Variants in RBFOX1 observed in about 807,000 individuals in gnomAD.
The protein encoded by RBFOX1 is RNA binding protein fox-1 homolog 1.
Under a neutral mutation model 57.7 loss-of-function variants are expected in RBFOX1, and 8 were observed. The observed-to-expected ratio is 0.14, with a 90% CI of 0.08 to 0.25. The LOEUF (loss-of-function observed/expected upper bound fraction) is 0.25. RBFOX1 is among the 10% of genes least tolerant of loss of function. The pLI, the probability that RBFOX1 is intolerant of heterozygous loss-of-function variation, is 1.00. For synonymous variants in RBFOX1, 326 were observed against 222.4 expected (o/e 1.47, Z -4.15); for missense variants, 611 against 548.5 (o/e 1.11, Z -1.14).
At chr16:7,293,461 G>T (rs1432558673) in intron 4 of RBFOX1, among the ~76,000 whole-genome samples, 6 of 152,116 alleles carry the variant, frequency 3.9e-5, no homozygotes, top group African/African-American at 1.4e-4. Flanking sequence ...CATTCTCTCT[G>T]CCACCATCTT....
At chr16:6,476,935 G>C (rs2095282482) in intron 2 of RBFOX1, among the ~76,000 whole-genome samples, 1 of 152,128 alleles carries the variant, frequency 6.6e-6, no homozygotes, top group Non-Finnish European at 1.5e-5. Flanking sequence ...TTTACTAGAT[G>C]TAGATTCCAT....
At position 5,332,997 on chromosome 16, in the gene RBFOX1, C is replaced by G. The variant is rs375157960; in HGVS notation, c.219+92892C>G. ...GGTCAGGAGTTTGAGACCAGCCTGACCAATGTGGTGAAACCCTGTCTCTAT... is the reference window on the plus strand; with the variant it reads ...GGTCAGGAGTTTGAGACCAGCCTGAGCAATGTGGTGAAACCCTGTCTCTAT... On this transcript the variant is annotated intron_variant, in intron 1 of 2. Coordinates refer to the RBFOX1 transcript ENST00000585867. Among the ~76,000 whole-genome samples, 164 of 152,102 alleles carry G rather than the reference C, an allele frequency of 1.1e-3. 1 individual carries two copies. Among genetic ancestry groups the G allele is most frequent in the African/African-American group, 3.9e-3 (162 of 41,498 alleles).
At chr16:7,340,082 A>G (rs1332130862) in intron 4 of RBFOX1, among the ~76,000 whole-genome samples, 2 of 152,186 alleles carry the variant, frequency 1.3e-5, no homozygotes, top group Admixed American at 6.5e-5. Context: ...CTCCAAATCA[A>G]TCATCTAATC....
intron 6 of RBFOX1, among the ~76,000 whole-genome samples, chr16:7,582,985 T>C (rs2093891891): frequency 1.3e-5 from 2 of 151,896 alleles, no homozygotes; most frequent in Non-Finnish European, 3.0e-5. Context: ...GTTACATGCC[T>C]AATGGTTACT....
chr16:7,093,795 C>T (rs776060933), intron 4 of RBFOX1, among the ~76,000 whole-genome samples: 4 of 152,038 alleles, frequency 2.6e-5, no homozygotes, highest in Non-Finnish European at 4.4e-5. Context: ...TCCTGAAATT[C>T]TGTTTACATG....
intron 2 of RBFOX1, among the ~76,000 whole-genome samples, chr16:6,318,157 G>GTATTATA (rs1213201467): frequency 6.6e-6 from 1 of 152,172 alleles, no homozygotes; most frequent in Non-Finnish European, 1.5e-5. Flanking sequence ...AAAAGATGGT[G>GTATTATA]TATTAGCTGT....
chr16:6,651,536 A>G (rs969581716), intron 2 of RBFOX1, among the ~76,000 whole-genome samples: 3 of 152,134 alleles, frequency 2.0e-5, no homozygotes, highest in East Asian at 1.9e-4. Flanking sequence ...TCCTCTCTTC[A>G]TTATGCCTGA....
chr16:5,804,082 G>A (rs73530037), intron 3 of RBFOX1, among the ~76,000 whole-genome samples: 24,232 of 152,186 alleles, frequency 0.16, 4,681 homozygotes, highest in African/African-American at 0.46. Context: ...GATTACCCAA[G>A]TACATGTCTG....
chr16:7,113,794 A>C (rs984488291), intron 4 of RBFOX1, among the ~76,000 whole-genome samples: 2 of 152,244 alleles, frequency 1.3e-5, no homozygotes, highest in African/African-American at 2.4e-5. Flanking sequence ...GATGATGGGC[A>C]TTAAAGTTCC....
chr16:6,993,431 C>T (rs1227035085), intron 3 of RBFOX1, among the ~76,000 whole-genome samples: 2 of 152,142 alleles, frequency 1.3e-5, no homozygotes, highest in Non-Finnish European at 2.9e-5. Flanking sequence ...ATTCTAAATG[C>T]ATTGCTGGCT....
intron 1 of RBFOX1, among the ~76,000 whole-genome samples, chr16:6,049,469 C>T (rs1220163877): frequency 1.3e-5 from 2 of 152,166 alleles, no homozygotes; most frequent in South Asian, 4.1e-4. Flanking sequence ...CCTGGCCACT[C>T]TCCCTCTCTA....
chr16:5,377,666 G>A (rs536420), intron 1 of RBFOX1, among the ~76,000 whole-genome samples: 59,204 of 150,702 alleles, frequency 0.39, 12,640 homozygotes, highest in African/African-American at 0.49. Flanking sequence ...AGGCAGAGAC[G>A]GAAGTTGAAT....
chr16:6,873,632 C>T (rs555907087), intron 3 of RBFOX1, among the ~76,000 whole-genome samples: 25 of 152,102 alleles, frequency 1.6e-4, no homozygotes, highest in Non-Finnish European at 3.4e-4. Context: ...AGATTTTACA[C>T]CAGCCATGAG....
chr16:6,953,539 C>G (rs976491921), intron 3 of RBFOX1, among the ~76,000 whole-genome samples: 1 of 152,050 alleles, frequency 6.6e-6, no homozygotes, highest in African/African-American at 2.4e-5. Flanking sequence ...GGGTGTGTCA[C>G]CACACCTGGC....
chr16:6,252,546 A>G (rs2097625274), intron 1 of RBFOX1, among the ~76,000 whole-genome samples: 1 of 152,178 alleles, frequency 6.6e-6, no homozygotes, highest in African/African-American at 2.4e-5. Flanking sequence ...CAAAAGCCCC[A>G]GTTGGCCAGA....
chr16:6,500,628 T>C (rs1281954864), intron 2 of RBFOX1, among the ~76,000 whole-genome samples: 1 of 152,118 alleles, frequency 6.6e-6, no homozygotes, highest in Non-Finnish European at 1.5e-5. Flanking sequence ...AAGAGGCAAT[T>C]GAAGTACATG....
intron 3 of RBFOX1, among the ~76,000 whole-genome samples, chr16:6,827,677 G>A (rs903617434): frequency 6.6e-6 from 1 of 152,122 alleles, no homozygotes; most frequent in East Asian, 1.9e-4. Context: ...GGTCTCTTCT[G>A]ATCCTTCAGG....
At chr16:7,486,306 T>C (rs1340537501) in intron 4 of RBFOX1, among the ~76,000 whole-genome samples, 1 of 151,442 alleles carries the variant, frequency 6.6e-6, no homozygotes, top group East Asian at 1.9e-4. Flanking sequence ...TCATTTTTGT[T>C]TTTTTTGGTA....
At chr16:5,782,422 T>C in intron 3 of RBFOX1, among the ~76,000 whole-genome samples, 1 of 152,244 alleles carries the variant, frequency 6.6e-6, no homozygotes. Flanking sequence ...ATTAATGCAT[T>C]TGAGAGGGCA....
Sources: allele counts gnomAD v4.1 joint callset (sites outside exome capture counted in the v4.1 genomes callset), GRCh38; gene constraint gnomAD v4.1.1; transcripts MANE v1.5; gene names NCBI Gene and HGNC (gene_info 2026-07-23, HGNC 2026-07-21).